CDH13: variants seen among roughly 807,000 people sequenced by gnomAD.
CDH13 encodes the protein cadherin 13.
CDH13 carries 24 observed loss-of-function variants against 63.8 expected under a neutral mutation model. The ratio of observed to expected loss-of-function variants is 0.38; its 90% confidence interval spans 0.27 to 0.53. CDH13 has a LOEUF of 0.53. Ranked by LOEUF, CDH13 falls within the 20% of genes least tolerant of loss-of-function variation. The probability of loss-of-function intolerance (pLI) is 0.85; values close to 1 mark genes in which losing one functional copy is unlikely to be tolerated. For missense variants in CDH13, 1,049 were observed against 903.1 expected, an observed-to-expected ratio of 1.16 and a Z score of -2.07; for synonymous variants, 503 against 355.3, an observed-to-expected ratio of 1.42 and a Z score of -4.67.
intron 7 of CDH13, among the ~76,000 whole-genome samples, chr16:83,512,693 T>TA (rs2151606628): frequency 6.6e-6 from 1 of 150,818 alleles, no homozygotes; most frequent in East Asian, 1.9e-4. Flanking sequence ...AATATAATAA[T>TA]AATAATAGTA....
chr16:83,130,122 T>C (rs2035984398), intron 4 of CDH13, among the ~76,000 whole-genome samples: 1 of 152,228 alleles, frequency 6.6e-6, no homozygotes, highest in South Asian at 2.1e-4. Flanking sequence ...ACAGAATCAT[T>C]GATCTTGCGG....
chr16:83,346,613 T>C lies in CDH13; in HGVS notation c.781+1607T>C, dbSNP rs553116002. Reference sequence around the variant, plus strand: ...TGTCTTTGTATATTATGTGTGTATATGATTAGACGGTGTCCAATTTTCCTC... The same window carrying C: ...TGTCTTTGTATATTATGTGTGTATACGATTAGACGGTGTCCAATTTTCCTC... On this transcript the variant is annotated intron_variant, in intron 6 of 13. Coordinates refer to ENST00000567109, the MANE Select transcript of CDH13 (RefSeq NM_001257.5). Among the ~76,000 whole-genome samples the C allele has an allele frequency of 9.6e-4, 146 of 152,324 alleles. 2 individuals carry two copies. Among genetic ancestry groups the C allele is most frequent in the African/African-American group, 3.5e-3 (145 of 41,568 alleles).
chr16:83,494,521 T>A (rs1294282815), intron 7 of CDH13, among the ~76,000 whole-genome samples: 1 of 152,212 alleles, frequency 6.6e-6, no homozygotes, highest in African/African-American at 2.4e-5. Flanking sequence ...AGAAAAATGT[T>A]GCTCCTGCCA....
intron 2 of CDH13, among the ~76,000 whole-genome samples, chr16:83,010,942 C>T (rs1442609680): frequency 6.6e-6 from 1 of 152,160 alleles, no homozygotes; most frequent in African/African-American, 2.4e-5. Context: ...CAGATGGCTC[C>T]TTCTTTTCTT....
intron 8 of CDH13, among the ~76,000 whole-genome samples, chr16:83,630,726 G>A (rs1295102235): frequency 1.3e-5 from 2 of 152,188 alleles, no homozygotes; most frequent in East Asian, 3.9e-4. Flanking sequence ...TGAGCGATCA[G>A]TTTACGTTGC....
intron 5 of CDH13, among the ~76,000 whole-genome samples, chr16:83,322,213 C>A (rs1187783049): frequency 1.3e-5 from 2 of 152,294 alleles, no homozygotes; most frequent in East Asian, 1.9e-4. Flanking sequence ...AGATTAGAGC[C>A]TTTGGTGTTG....
chr16:82,927,388 AC>A (rs1171405301), intron 2 of CDH13, among the ~76,000 whole-genome samples: 5 of 152,188 alleles, frequency 3.3e-5, no homozygotes, highest in African/African-American at 1.2e-4. Context: ...AGTCTCCCAT[AC>A]AGAATATAAC....
intron 10 of CDH13, among the ~76,000 whole-genome samples, chr16:83,734,971 G>T (rs1253572736): frequency 6.9e-6 from 1 of 144,418 alleles, no homozygotes; most frequent in Admixed American, 7.1e-5. Context: ...AAGTTTTAAA[G>T]TCTGGAAGGA....
Position 83,120,763 on chromosome 16 carries a change from C to CTTTTTTTTTTTTTTTTTTTTTTTTT in CDH13, c.367-4606_367-4605insTTTTTTTTTTTTTTTTTTTTTTTTT, listed in dbSNP as rs750711823. On this transcript the variant is annotated intron_variant, in intron 3 of 13. Transcript: ENST00000567109. ...AATACAACGCGCTCTAATTTTCTTTCTTTTTTTTTTTTTTTTCTGAGATGG... is the reference window on the plus strand; with the variant it reads ...AATACAACGCGCTCTAATTTTCTTTCTTTTTTTTTTTTTTTTTTTTTTTTTTTTTTTTTTTTTTTTTCTGAGATGG... Among the ~76,000 whole-genome samples the CTTTTTTTTTTTTTTTTTTTTTTTTT allele has an allele frequency of 1.0e-4, 6 of 60,224 alleles. 1 individual carries two copies. The highest frequency in any genetic ancestry group is 1.8e-4 in the Non-Finnish European group (5 of 27,848). 39.5% of individuals were successfully genotyped at this position (60,224 alleles called of 152,430 possible).
chr16:83,189,496 G>C (rs1296984821), intron 4 of CDH13, among the ~76,000 whole-genome samples: 6 of 152,208 alleles, frequency 3.9e-5, no homozygotes, highest in African/African-American at 1.4e-4. Context: ...TCAGAACACA[G>C]AGGTTGTATG....
intron 11 of CDH13, among the ~76,000 whole-genome samples, chr16:83,756,587 G>A (rs1913525877): frequency 6.6e-6 from 1 of 152,156 alleles, no homozygotes; most frequent in African/African-American, 2.4e-5. Flanking sequence ...GCTACTGTTA[G>A]TGTTAGTGTA....
intron 4 of CDH13, among the ~76,000 whole-genome samples, chr16:83,197,768 AC>A (rs2038916581): frequency 1.3e-5 from 2 of 151,186 alleles, no homozygotes; most frequent in African/African-American, 4.9e-5. Flanking sequence ...ATACACACAC[AC>A]ACACTCTCAC....
At chr16:82,681,971 A>G (rs1914597786) in intron 1 of CDH13, among the ~76,000 whole-genome samples, 1 of 151,792 alleles carries the variant, frequency 6.6e-6, no homozygotes, top group Non-Finnish European at 1.5e-5. Context: ...CTCTCCTTTC[A>G]TTTCCCCTCT....
intron 7 of CDH13, among the ~76,000 whole-genome samples, chr16:83,495,941 C>G (rs56067153): frequency 0.12 from 18,627 of 151,748 alleles, 1,355 homozygotes; most frequent in South Asian, 0.23. Context: ...GCCTAGGAAT[C>G]CAACTGACAA....
In CDH13 at chr16:82,916,393, G is replaced by A. The variant is rs538183440; in HGVS notation, c.157+57920G>A. Among the ~76,000 whole-genome samples the A allele has an allele frequency of 4.6e-5, 7 of 152,236 alleles. No homozygotes were observed. The South Asian group carries it at 6.2e-4, about 14-fold the overall frequency. Reference sequence around the variant, plus strand: ...GTTGGAGACCAGCCTGGCCAACATCGTGAAACCCCGTCTCTACTAAAAATA... The same window carrying A: ...GTTGGAGACCAGCCTGGCCAACATCATGAAACCCCGTCTCTACTAAAAATA... On this transcript the variant is annotated intron_variant, in intron 2 of 13. Coordinates refer to ENST00000567109, the MANE Select transcript of CDH13 (RefSeq NM_001257.5).
chr16:83,191,516 C>T (rs1264184622), intron 4 of CDH13, among the ~76,000 whole-genome samples: 3 of 83,564 alleles, frequency 3.6e-5, no homozygotes, highest in African/African-American at 1.1e-4. Context: ...CACACACACA[C>T]ACACACACAC....
intron 6 of CDH13, among the ~76,000 whole-genome samples, chr16:83,459,751 C>T (rs2073127584): frequency 6.6e-6 from 1 of 152,150 alleles, no homozygotes; most frequent in African/African-American, 2.4e-5. Context: ...GACTCAACTG[C>T]ATAAGGAGGT....
chr16:83,620,188 G>A (rs1909679255), intron 8 of CDH13, among the ~76,000 whole-genome samples: 1 of 151,982 alleles, frequency 6.6e-6, no homozygotes, highest in African/African-American at 2.4e-5. Flanking sequence ...GTCAAGAGAT[G>A]GAGACCGGCC....
chr16:83,594,596 G>A (rs1907080475), intron 7 of CDH13, among the ~76,000 whole-genome samples: 1 of 152,208 alleles, frequency 6.6e-6, no homozygotes, highest in Non-Finnish European at 1.5e-5. Flanking sequence ...GGGTACCATG[G>A]AAAGAAATTC....
Sources: gnomAD v4.1 joint callset for allele counts (sites outside exome capture counted in the v4.1 genomes callset) on GRCh38, gnomAD v4.1.1 for gene constraint, MANE v1.5 for transcripts, NCBI Gene and HGNC (gene_info 2026-07-23, HGNC 2026-07-21) for gene names.